The following PEG3 variants were observed in gnomAD, a reference collection of about 807,000 sequenced individuals.
PEG3 encodes paternally expressed 3.
Under a neutral mutation model 35.5 loss-of-function variants are expected in PEG3, and 23 were observed. That is an observed-to-expected ratio of 0.65 (90% CI 0.47 to 0.92). The LOEUF is 0.92. PEG3 is among the 40% of genes least tolerant of loss of function. The pLI is 0.00. For synonymous variants in PEG3, 707 were observed against 697.0 expected (o/e 1.01, Z -0.23); for missense variants, 1,960 against 1,985.3 (o/e 0.99, Z 0.24).
intron 6 of PEG3, chr19:56,822,542 T>G: frequency 1.9e-6 from 1 of 534,892 alleles, no homozygotes; most frequent in Non-Finnish European, 3.2e-6. Context: ...GAGCAAATAG[T>G]TTAGGTGGCA....
chr19:56,836,520 T>C (rs1348640687), intron 1 of PEG3, among the ~76,000 whole-genome samples: 2 of 152,212 alleles, frequency 1.3e-5, no homozygotes, highest in Non-Finnish European at 2.9e-5. Flanking sequence ...ATGTTCTCAG[T>C]GGACTAATAG....
intron 2 of PEG3, chr19:56,833,593 C>T: frequency 5.4e-6 from 1 of 183,494 alleles, no homozygotes; most frequent in Admixed American, 5.4e-5. Context: ...GGTTCTCAAA[C>T]TCAGATGTGC....
chr19:56,815,582 A>G lies in PEG3; in HGVS notation c.2860T>C (p.Ser954Pro). 1 of 1,614,070 alleles carries G rather than the reference A, an allele frequency of 6.2e-7. No homozygotes were observed. The highest frequency in any genetic ancestry group is 1.7e-5 in the Admixed American group (1 of 60,022). Residue 954 changes from serine to proline, a missense_variant, in exon 10 of 10, where the codon TCT (serine) becomes CCT (proline). By Grantham distance (74) the Ser-to-Pro change is moderately conservative (BLOSUM62 -1). Transcript: ENST00000326441. ...HRSNETSVIH[S>P]LPFGEQTFRP... ...AATGTTTGTTCACCAAAAGGCAGAGAGTGAATTACAGAGGTCTCATTGCTC... is the reference window on the plus strand; with the variant it reads ...AATGTTTGTTCACCAAAAGGCAGAGGGTGAATTACAGAGGTCTCATTGCTC...
At chr19:56,820,424 G>C (rs1213927027) in intron 7 of PEG3, among the ~76,000 whole-genome samples, 1 of 152,186 alleles carries the variant, frequency 6.6e-6, no homozygotes, top group East Asian at 1.9e-4. Flanking sequence ...CATTGTCAAG[G>C]AAGGGCATTT....
Position 56,813,558 on chromosome 19 carries a change from G to T in PEG3, c.*117C>A. 6.9e-7 allele frequency: 1 copy of T among 1,456,726 alleles called. No homozygotes were observed. Among genetic ancestry groups the T allele is most frequent in the Non-Finnish European group, 9.1e-7 (1 of 1,101,548 alleles). The allele number at this position is 1,456,726 out of a possible 1,614,324, so 90.2% of individuals were successfully genotyped here. On this transcript the variant is annotated 3_prime_UTR_variant, in exon 10 of 10. Transcript: ENST00000326441. ...TGAGTTTAGAGATGTTAAGTCAGGTGTGTAACACACTAAGGTTAAGTCTCC... is the reference window on the plus strand; with the variant it reads ...TGAGTTTAGAGATGTTAAGTCAGGTTTGTAACACACTAAGGTTAAGTCTCC...
At chr19:56,829,145 G>A (rs1245196351) in intron 2 of PEG3, among the ~76,000 whole-genome samples, 2 of 152,140 alleles carry the variant, frequency 1.3e-5, no homozygotes, top group Admixed American at 1.3e-4. Flanking sequence ...GAGGTCAGGA[G>A]TTCGAGACCA....
intron 2 of PEG3, among the ~76,000 whole-genome samples, chr19:56,830,947 A>AAAAAT (rs961842046): frequency 1.3e-5 from 2 of 151,856 alleles, no homozygotes; most frequent in African/African-American, 2.4e-5. Flanking sequence ...AAAAACAATA[A>AAAAAT]AAAATAAAAT....
At chr19:56,823,710 C>T (rs1265853346) in intron 4 of PEG3, 31 bp from the exon 5 acceptor site, 1 of 1,612,056 alleles carries the variant, frequency 6.2e-7, no homozygotes, top group Non-Finnish European at 8.5e-7. Context: ...AAGTTACTAT[C>T]TCTGGCCCAC....
At chr19:56,825,947 C>T (rs142953212) in intron 3 of PEG3, among the ~76,000 whole-genome samples, 138 of 152,294 alleles carry the variant, frequency 9.1e-4, no homozygotes, top group Middle Eastern at 3.4e-3. Flanking sequence ...TGGGCTCCCA[C>T]TTCCCTCCCT....
chr19:56,815,662 G>A lies in PEG3; in HGVS notation c.2780C>T (p.Ser927Leu), dbSNP rs1339198889. 1 of 1,614,100 alleles carries A rather than the reference G, an allele frequency of 6.2e-7. No individual in the cohort carries two copies. Among genetic ancestry groups the A allele is most frequent in the Non-Finnish European group, 8.5e-7 (1 of 1,179,990 alleles). Residue 927 changes from serine (S) to leucine (L), a missense_variant, in exon 10 of 10, where the codon TCA becomes TTA. By Grantham distance (145) the Ser-to-Leu change is moderately radical (BLOSUM62 -2). Around this residue, in one of 5 missense-constraint regions of PEG3, gnomAD observed 798 missense variants for 782.4 expected, o/e 1.02. Coordinates refer to ENST00000326441, the MANE Select transcript of PEG3 (RefSeq NM_006210.3). The part of the protein sequence containing the change: ...KKDGEFSVPS[S>L]NVREYQKARA... ...AGCCTTCTGGTATTCACGGACATTT[G>A]AGCTGGGAACAGAGAATTCGCCATC...
chr19:56,830,480 T>C (rs1294634502), intron 2 of PEG3, among the ~76,000 whole-genome samples: 3 of 152,154 alleles, frequency 2.0e-5, no homozygotes, highest in Admixed American at 6.5e-5. Flanking sequence ...CTCAAATACA[T>C]GCAAACAAGC....
rs35430215 is a variant in PEG3 at position 56,823,674 on chromosome 19, T to A, written c.400A>T (p.Asn134Tyr). Reference sequence around the variant, plus strand: ...TCGTCGCTGGTCACGTCACTGTTGTTGTCGTCTAAGAGGACACCGGTCGCC... The same window carrying A: ...TCGTCGCTGGTCACGTCACTGTTGTAGTCGTCTAAGAGGACACCGGTCGCC... ...YKEMYQPEDD[N>Y]NSDVTSDDDM... The change falls in exon 5 of 10, where the codon AAC (asparagine) becomes TAC (tyrosine). Residue 134 changes from asparagine (N) to tyrosine (Y), a missense_variant. This residue lies in a region of PEG3 where 613 missense variants were observed against 577.1 expected (regional missense o/e 1.06). Coordinates refer to ENST00000326441, the MANE Select transcript of PEG3 (RefSeq NM_006210.3). 1.2e-6 allele frequency: 2 copies of A among 1,614,048 alleles called. No homozygotes were observed. The highest frequency in any genetic ancestry group is 2.7e-5 in the African/African-American group (2 of 74,912).
In PEG3 at chr19:56,812,088, T is replaced by C. The variant is rs1027164692; in HGVS notation, c.*1587A>G. 13 of 950,222 alleles carry C rather than the reference T, an allele frequency of 1.4e-5. No homozygotes were observed. In the African/African-American group the frequency reaches 2.7e-4, roughly 20 times the overall value. The allele number at this position is 950,222 out of a possible 1,614,324, so 58.9% of individuals were successfully genotyped here. Reference sequence around the variant, plus strand: ...GGTACTTTAATTTTGCTTGTTCAAATGATCTACACTTACATTTTGCAAATC... The same window carrying C: ...GGTACTTTAATTTTGCTTGTTCAAACGATCTACACTTACATTTTGCAAATC... On this transcript the variant is annotated 3_prime_UTR_variant, in exon 10 of 10. Transcript: ENST00000326441.
chr19:56,840,097 TTTTCGCA>T (rs1486865423), intron 1 of PEG3, among the ~76,000 whole-genome samples: 2 of 152,176 alleles, frequency 1.3e-5, no homozygotes, highest in African/African-American at 4.8e-5. Flanking sequence ...GGAAGGGGCA[TTTTCGCA>T]GCCCCCAGAC....
In PEG3 at chr19:56,810,561, T is replaced by G; in HGVS notation, c.*3114A>C. On this transcript the variant is annotated 3_prime_UTR_variant, in exon 10 of 10. Coordinates refer to ENST00000326441, the MANE Select transcript of PEG3 (RefSeq NM_006210.3). ...TTTACTGAATTTCCAAAGTTTTGTA[T>G]GAGTATGTATTATATTTGTAATGGA... The G allele has an allele frequency of 1.1e-6, 1 of 941,696 alleles. No individual in the cohort carries two copies. The highest frequency in any genetic ancestry group is 5.4e-4 in the Middle Eastern group (1 of 1,836). 58.3% of individuals were successfully genotyped at this position (941,696 alleles called of 1,614,324 possible).
Position 56,811,767 on chromosome 19 carries a change from T to C in PEG3, c.*1908A>G. ...CCTTCCTATGCAGCCAGCCCTCACC[T>C]ACACCATACCATCAAAAACTCCTTT... is the stretch of plus-strand genomic sequence containing the variant. On this transcript the variant is annotated 3_prime_UTR_variant, in exon 10 of 10. Transcript: ENST00000326441. 7.1e-6 allele frequency: 7 copies of C among 985,512 alleles called. No individual in the cohort carries two copies. The South Asian group carries it at 3.3e-4, about 46-fold the overall frequency. 61.0% of individuals were successfully genotyped at this position (985,512 alleles called of 1,614,324 possible). A position where few individuals can be genotyped will look rare whatever the true frequency, so the allele number is the denominator to read the frequency against.
In PEG3 at chr19:56,816,409, G is replaced by C. The variant is rs756738035; in HGVS notation, c.2033C>G (p.Thr678Ser). 6.2e-7 allele frequency: 1 copy of C among 1,613,910 alleles called. No homozygotes were observed. The highest frequency in any genetic ancestry group is 1.3e-5 in the African/African-American group (1 of 74,904). Residue 678 changes from threonine to serine, a missense_variant, in exon 10 of 10, where the codon ACT (threonine) becomes AGT (serine). Coordinates refer to ENST00000326441, the MANE Select transcript of PEG3 (RefSeq NM_006210.3). ...GTCACAGAGCTTCTCCTTATTGTAA[G>C]TTTTCTGACGCCTTTTAAGGGACTG... ...PGQSLKRRQK[T>S]YNKEKLCDFT... is the part of the protein sequence containing the mutation.
At chr19:56,837,427 T>C (rs1286148102) in intron 1 of PEG3, among the ~76,000 whole-genome samples, 2 of 152,192 alleles carry the variant, frequency 1.3e-5, no homozygotes, top group African/African-American at 4.8e-5. Context: ...CACAGCCCAC[T>C]TCCTCCATTT....
At position 56,814,031 on chromosome 19, in the gene PEG3, T is replaced by C. The variant is rs1430092650; in HGVS notation, c.4411A>G (p.Lys1471Glu). 6.2e-7 allele frequency: 1 copy of C among 1,613,280 alleles called. No homozygotes were observed. The highest frequency in any genetic ancestry group is 8.5e-7 in the Non-Finnish European group (1 of 1,179,324). Residue 1471 changes from lysine (K) to glutamate (E), a missense_variant, in exon 10 of 10, where the codon AAA (lysine) becomes GAA (glutamate). Physicochemically the swap from Lys to Glu is moderately conservative, Grantham distance 56. This residue lies in a region of PEG3 where 416 missense variants were observed against 416.7 expected (regional missense o/e 1.00). Transcript: ENST00000326441. The surrounding 1 kb of genome is among the most constrained non-coding windows in gnomAD (Gnocchi z 5.8). ...GCATCTCCCTCTGGCTCTTCAGCTTTTCCCTCTGGCTCTTCAGCTCTTTCT... is the reference window on the plus strand; with the variant it reads ...GCATCTCCCTCTGGCTCTTCAGCTTCTCCCTCTGGCTCTTCAGCTCTTTCT... ...PEERAEEPEG[K>E]AEEPEGDADE...
Sources: gnomAD v4.1 joint callset for allele counts (sites outside exome capture counted in the v4.1 genomes callset) on GRCh38, gnomAD v4.1.1 for gene constraint, gnomAD v4.1.1 regional missense constraint, Gnocchi (gnomAD v3.1) non-coding constraint, MANE v1.5 for transcripts, NCBI Gene and HGNC (gene_info 2026-07-23, HGNC 2026-07-21) for gene names.